VWA8: variants seen among roughly 807,000 people sequenced by gnomAD.
VWA8 encodes von Willebrand factor A domain containing 8.
Under a neutral mutation model 241.5 loss-of-function variants are expected in VWA8, and 221 were observed. The ratio of observed to expected loss-of-function variants is 0.91; its 90% confidence interval spans 0.82 to 1.02. The LOEUF (loss-of-function observed/expected upper bound fraction) is 1.02, where lower values mean the gene tolerates loss of function less well. Among genes scored for constraint, VWA8 ranks in the 50% least tolerant of loss-of-function variants. VWA8 has a pLI of 0.00. For missense variants in VWA8, 2,322 were observed against 2,328.7 expected (o/e 1.00, Z 0.06); for synonymous variants, 852 against 827.1 (o/e 1.03, Z -0.52).
intron 14 of VWA8, among the ~76,000 whole-genome samples, chr13:41,829,818 G>A (rs1039146704): frequency 6.6e-6 from 1 of 152,052 alleles, no homozygotes; most frequent in Non-Finnish European, 1.5e-5. Context: ...AGGGATAAAA[G>A]ACTACATATC....
At position 41,721,487 on chromosome 13, in the gene VWA8, C is replaced by G. The variant is rs756480573; in HGVS notation, c.2847G>C (p.Glu949Asp). Residue 949 changes from glutamate (E) to aspartate (D), a missense_variant, in exon 25 of 45, where the codon GAG becomes GAC. Glu to Asp is a conservative substitution (Grantham distance 45). Coordinates refer to ENST00000379310, the MANE Select transcript of VWA8 (RefSeq NM_015058.2). ...CAGCCACAAGCTTCTGAAGGATGGG[C>G]TCAGGCACATTTGGTCCATACTGTC... Reference protein sequence around the residue: ...MLRQYGPNVPEPILQKLVAAF... With the variant: ...MLRQYGPNVPDPILQKLVAAF... The G allele has an allele frequency of 2.5e-6, 4 of 1,613,934 alleles. No individual in the cohort carries two copies. The South Asian group carries it at 4.4e-5, about 18-fold the overall frequency.
At chr13:41,944,219 A>G (rs1169194267) in intron 2 of VWA8, among the ~76,000 whole-genome samples, 1 of 152,028 alleles carries the variant, frequency 6.6e-6, no homozygotes, top group Admixed American at 6.6e-5. Context: ...TAAAAAAACA[A>G]TAATAATGGC....
chr13:41,580,721 C>T (rs1285560961), intron 42 of VWA8, among the ~76,000 whole-genome samples: 1 of 152,118 alleles, frequency 6.6e-6, no homozygotes, highest in African/African-American at 2.4e-5. Context: ...ACTAAGAGCC[C>T]TGAAGTGGAA....
intron 21 of VWA8, among the ~76,000 whole-genome samples, chr13:41,745,766 TAAACTAGTTCAACCATTGTGG>T (rs1321865622): frequency 6.6e-6 from 1 of 152,142 alleles, no homozygotes; most frequent in Admixed American, 6.5e-5. Flanking sequence ...GGTGGGAGTG[TAAACTAGTTCAACCATTGTGG>T]AAGACTGTGT....
At chr13:41,780,442 T>C (rs954942768) in intron 19 of VWA8, among the ~76,000 whole-genome samples, 1 of 152,198 alleles carries the variant, frequency 6.6e-6, no homozygotes, top group African/African-American at 2.4e-5. Context: ...CTCCAGTTAA[T>C]GGCACCATTT....
Position 41,572,365 on chromosome 13 carries a change from G to A in VWA8, c.5371-1659C>T, listed in dbSNP as rs184022979. On this transcript the variant is annotated intron_variant, in intron 43 of 44. Transcript: ENST00000379310. ...GCGGCTTTGTCGAATAGAAAAGGGGGAAATGTGGGGAAAAGAGATCAGATT... is the reference window on the plus strand; with the variant it reads ...GCGGCTTTGTCGAATAGAAAAGGGGAAAATGTGGGGAAAAGAGATCAGATT... Among the ~76,000 whole-genome samples, 35 of 152,376 alleles carry A rather than the reference G, an allele frequency of 2.3e-4. No homozygotes were observed. The East Asian group carries it at 6.0e-3, about 26-fold the overall frequency.
At chr13:41,621,978 C>T (rs181256481) in intron 37 of VWA8, among the ~76,000 whole-genome samples, 50 of 152,232 alleles carry the variant, frequency 3.3e-4, no homozygotes, top group African/African-American at 1.1e-3. Flanking sequence ...GTTTCAAAAT[C>T]GACAAATTCT....
intron 28 of VWA8, among the ~76,000 whole-genome samples, chr13:41,699,786 A>G (rs1177460403): frequency 6.6e-6 from 1 of 152,164 alleles, no homozygotes; most frequent in Admixed American, 6.5e-5. Flanking sequence ...TTTTGTTCAT[A>G]TTTGAGTATT....
chr13:41,696,459 G>A (rs2045216370), intron 29 of VWA8, among the ~76,000 whole-genome samples: 1 of 152,118 alleles, frequency 6.6e-6, no homozygotes, highest in African/African-American at 2.4e-5. Context: ...TTCCTATTAT[G>A]AGTACTTTTT....
intron 16 of VWA8, among the ~76,000 whole-genome samples, chr13:41,813,445 T>C (rs1374795930): frequency 1.3e-5 from 2 of 152,070 alleles, no homozygotes; most frequent in Admixed American, 6.6e-5. Flanking sequence ...CAAATATAAC[T>C]CAGAAATTCC....
intron 42 of VWA8, among the ~76,000 whole-genome samples, chr13:41,577,441 G>A (rs564893292): frequency 9.8e-5 from 15 of 152,326 alleles, no homozygotes; most frequent in Admixed American, 9.8e-4. Context: ...AAAAGCAGCT[G>A]AGCTCAGCTG....
chr13:41,608,572 T>C (rs1286466387), intron 39 of VWA8, among the ~76,000 whole-genome samples: 1 of 152,208 alleles, frequency 6.6e-6, no homozygotes, highest in Non-Finnish European at 1.5e-5. Context: ...CATTTTACTT[T>C]TTCTTATAGG....
chr13:41,646,943 T>C (rs563759243), intron 37 of VWA8, among the ~76,000 whole-genome samples: 1 of 152,362 alleles, frequency 6.6e-6, no homozygotes, highest in African/African-American at 2.4e-5. Flanking sequence ...GGGTGTACTA[T>C]GTAATCTGTT....
chr13:41,873,430 C>A (rs1322237248), intron 9 of VWA8, among the ~76,000 whole-genome samples: 2 of 152,020 alleles, frequency 1.3e-5, no homozygotes, highest in Non-Finnish European at 2.9e-5. Context: ...AATTGACAGA[C>A]CGCTAGCAAG....
At chr13:41,674,737 A>T (rs374590243) in intron 36 of VWA8, among the ~76,000 whole-genome samples, 8 of 152,334 alleles carry the variant, frequency 5.3e-5, no homozygotes, top group African/African-American at 1.4e-4. Context: ...AACAGTAATA[A>T]GTCCTATTCT....
intron 1 of VWA8, among the ~76,000 whole-genome samples, chr13:41,957,887 AT>A (rs1878420277): frequency 6.6e-6 from 1 of 152,198 alleles, no homozygotes; most frequent in African/African-American, 2.4e-5. Flanking sequence ...TTATACAGTT[AT>A]GTTTCTAGGT....
intron 43 of VWA8, among the ~76,000 whole-genome samples, chr13:41,571,335 T>TCTCCCGC (rs2044302170): frequency 7.8e-6 from 1 of 127,522 alleles, no homozygotes; most frequent in Admixed American, 7.8e-5. Context: ...CCCGTCTCCC[T>TCTCCCGC]CTCCCTCTCC....
At chr13:41,703,492 C>G in intron 26 of VWA8, 81 bp from the exon 27 acceptor site, 2 of 1,202,628 alleles carry the variant, frequency 1.7e-6, no homozygotes, top group East Asian at 4.9e-5. Context: ...CTATTATCAA[C>G]CACACAAATA....
At chr13:41,652,866 C>A (rs1487758508) in intron 37 of VWA8, among the ~76,000 whole-genome samples, 7 of 152,158 alleles carry the variant, frequency 4.6e-5, no homozygotes, top group Non-Finnish European at 1.0e-4. Context: ...TATATTACAA[C>A]TTCCAAATAT....
Sources: allele counts gnomAD v4.1 joint callset (sites outside exome capture counted in the v4.1 genomes callset), GRCh38; gene constraint gnomAD v4.1.1; transcripts MANE v1.5; gene names NCBI Gene and HGNC (gene_info 2026-07-23, HGNC 2026-07-21).